Variants in SYNPO2 observed in about 807,000 individuals in gnomAD.
The protein encoded by SYNPO2 is synaptopodin 2, also known as synaptopodin-2.
SYNPO2 carries 56 observed loss-of-function variants against 85.0 expected under a neutral mutation model. The ratio of observed to expected loss-of-function variants is 0.66; its 90% CI spans 0.53 to 0.82. SYNPO2 has a LOEUF of 0.82. Ranked by LOEUF, SYNPO2 falls within the 40% of genes least tolerant of loss-of-function variation. SYNPO2 has a pLI of 0.00. For synonymous variants in SYNPO2, 602 were observed against 591.1 expected (o/e 1.02, Z -0.27); for missense variants, 1,575 against 1,534.2 (o/e 1.03, Z -0.44).
intron 1 of SYNPO2, among the ~76,000 whole-genome samples, chr4:118,954,102 C>T (rs544895907): frequency 3.9e-4 from 60 of 152,300 alleles, no homozygotes; most frequent in African/African-American, 1.4e-3. Context: ...TGCCAATGTT[C>T]TTCACATACA....
chr4:118,852,955 A>G (rs1329354431), intron 1 of SYNPO2, among the ~76,000 whole-genome samples: 1 of 152,242 alleles, frequency 6.6e-6, no homozygotes, highest in Non-Finnish European at 1.5e-5. Flanking sequence ...TAATATTACC[A>G]TCAATTTCAT....
chr4:119,027,723 T>C (rs28460020), intron 3 of SYNPO2, among the ~76,000 whole-genome samples: 2,321 of 152,308 alleles, frequency 0.015, 67 homozygotes, highest in African/African-American at 0.053. Context: ...TCAATGTGCC[T>C]GTTCATTTTG....
At chr4:119,010,878 A>G (rs577636097) in intron 1 of SYNPO2, among the ~76,000 whole-genome samples, 1 of 152,204 alleles carries the variant, frequency 6.6e-6, no homozygotes. Context: ...ATTTCCTTAC[A>G]TAAGTTCAAC....
chr4:119,007,229 T>TATATATATATATATAC lies in SYNPO2; in HGVS notation c.106-16186_106-16185insCATATATATATATATA, dbSNP rs1560971788. On this transcript the variant is annotated intron_variant, in intron 1 of 4. Coordinates refer to ENST00000307142, the MANE Select transcript of SYNPO2 (RefSeq NM_133477.3). The stretch of plus-strand genomic sequence containing the variant: ...AAAAGAACAAAGGTATATATATATA[T>TATATATATATATATAC]ATATATATATATATATGTATATACA... Among the ~76,000 whole-genome samples the TATATATATATATATAC allele has an allele frequency of 8.3e-4, 40 of 48,038 alleles. 1 individual carries two copies. Among genetic ancestry groups the TATATATATATATATAC allele is most frequent in the African/African-American group, 3.6e-3 (39 of 10,856 alleles). 31.5% of individuals were successfully genotyped at this position (48,038 alleles called of 152,430 possible).
At chr4:118,994,726 T>A (rs1444493503) in intron 1 of SYNPO2, among the ~76,000 whole-genome samples, 1 of 152,222 alleles carries the variant, frequency 6.6e-6, no homozygotes, top group Non-Finnish European at 1.5e-5. Flanking sequence ...GAAAGTGGCA[T>A]GTTATTCCCA....
chr4:119,031,843 C>T lies in SYNPO2; in HGVS notation c.3068C>T (p.Ser1023Leu). ...AASPTNVQAS[S>L]VYSVPAYTSP... is the part of the protein sequence containing the mutation. Reference sequence around the variant, plus strand: ...TCACCTACGAATGTGCAGGCTTCGTCAGTGTACTCGGTACCAGCCTATACC... The same window carrying T: ...TCACCTACGAATGTGCAGGCTTCGTTAGTGTACTCGGTACCAGCCTATACC... Residue 1023 changes from serine (S) to leucine (L), a missense_variant, in exon 4 of 5, where the codon TCA becomes TTA. This residue lies in a region of SYNPO2 where 1,508 missense variants were observed against 1,446.8 expected (regional missense o/e 1.04). Transcript: ENST00000307142. The T allele has an allele frequency of 6.2e-7, 1 of 1,614,244 alleles. No homozygotes were observed. The highest frequency in any genetic ancestry group is 8.5e-7 in the Non-Finnish European group (1 of 1,180,050).
At chr4:118,882,920 G>A (rs1019894802) in intron 1 of SYNPO2, among the ~76,000 whole-genome samples, 5 of 151,842 alleles carry the variant, frequency 3.3e-5, no homozygotes, top group Non-Finnish European at 5.9e-5. Flanking sequence ...CAGCCACCAC[G>A]CCCGGCTAAT....
At chr4:118,947,849 T>C (rs954597228) in intron 1 of SYNPO2, among the ~76,000 whole-genome samples, 5 of 152,194 alleles carry the variant, frequency 3.3e-5, no homozygotes, top group African/African-American at 1.2e-4. Context: ...TTTAGGACAA[T>C]GTAGCTCAAA....
At chr4:118,887,734 G>A (rs1028916571), upstream of SYNPO2, among the ~76,000 whole-genome samples, 1 of 152,144 alleles carries the variant, frequency 6.6e-6, no homozygotes, top group African/African-American at 2.4e-5. Flanking sequence ...ATTAGTCGAT[G>A]GTAAAATTGG....
intron 1 of SYNPO2, among the ~76,000 whole-genome samples, chr4:119,003,320 A>G (rs1336302119): frequency 1.3e-5 from 2 of 152,142 alleles, no homozygotes; most frequent in Non-Finnish European, 2.9e-5. Context: ...ATCTCATGAG[A>G]ACTCACTATC....
intron 1 of SYNPO2, among the ~76,000 whole-genome samples, chr4:118,860,192 T>C (rs1731584190): frequency 6.6e-6 from 1 of 152,214 alleles, no homozygotes. Context: ...ACGCCATTTG[T>C]ATGTCTTCTT....
At position 119,023,418 on chromosome 4, in the gene SYNPO2, T is replaced by TC; in HGVS notation, c.106-12_106-11insC. 1 of 1,594,256 alleles carries TC rather than the reference T, an allele frequency of 6.3e-7. No homozygotes were observed. The highest frequency in any genetic ancestry group is 8.5e-7 in the Non-Finnish European group (1 of 1,171,982). On this transcript the variant is annotated splice_polypyrimidine_tract_variant and intron_variant, in intron 1 of 4. Coordinates refer to ENST00000307142, the MANE Select transcript of SYNPO2 (RefSeq NM_133477.3). ...ATCATTCTACTATGTCTTCTTTTTT[T>TC]ACTCCACTCAGATTCGAAATCAGAG...
intron 1 of SYNPO2, among the ~76,000 whole-genome samples, chr4:118,974,126 G>C: frequency 6.6e-6 from 1 of 152,192 alleles, no homozygotes; most frequent in East Asian, 1.9e-4. Flanking sequence ...TTATGTTTGA[G>C]CTAAGAAAAG....
At chr4:118,876,678 TTTCTTTC>T in intron 1 of SYNPO2, among the ~76,000 whole-genome samples, 1 of 20,978 alleles carries the variant, frequency 4.8e-5, no homozygotes, top group Non-Finnish European at 9.7e-5. Context: ...TCTTTCTTTC[TTTCTTTC>T]TTTCTTTCTT....
chr4:119,026,573 G>A (rs1737951696), intron 2 of SYNPO2, 54 bp from the exon 3 acceptor site: 2 of 1,504,238 alleles, frequency 1.3e-6, no homozygotes, highest in Non-Finnish European at 8.9e-7. Flanking sequence ...GAAGTTCTTT[G>A]GCAGATGTAA....
chr4:118,859,478 C>T (rs1228686778), intron 1 of SYNPO2, among the ~76,000 whole-genome samples: 4 of 152,128 alleles, frequency 2.6e-5, no homozygotes, highest in Non-Finnish European at 5.9e-5. Context: ...TTACTCTAGT[C>T]ACCTTGTCAT....
intron 1 of SYNPO2, among the ~76,000 whole-genome samples, chr4:118,935,126 TC>T (rs1288567841): frequency 2.0e-5 from 3 of 152,174 alleles, no homozygotes; most frequent in Non-Finnish European, 4.4e-5. Context: ...TTCTAGTTAA[TC>T]AATTCCAAAC....
chr4:119,057,689 T>C lies in SYNPO2; in HGVS notation c.3541T>C (p.Ser1181Pro), dbSNP rs1739256378. The C allele has an allele frequency of 6.2e-7, 1 of 1,614,116 alleles. No homozygotes were observed. The highest frequency in any genetic ancestry group is 1.1e-5 in the South Asian group (1 of 91,072). ...TCCAGAGGATTGGAATGAAAGACTG[T>C]CCTATATTCCTCAAACCCAGAAGGC... ...GPPEDWNERL[S>P]YIPQTQKAYM... Residue 1181 changes from serine to proline, a missense_variant, in exon 5 of 5, where the codon TCC becomes CCC. Coordinates refer to ENST00000307142, the MANE Select transcript of SYNPO2 (RefSeq NM_133477.3).
intron 1 of SYNPO2, among the ~76,000 whole-genome samples, chr4:118,935,872 A>C (rs1241846212): frequency 6.6e-6 from 1 of 152,240 alleles, no homozygotes; most frequent in African/African-American, 2.4e-5. Flanking sequence ...ATCATTACAA[A>C]GGTTTTCACC....
Sources: gnomAD v4.1 joint callset for allele counts (sites outside exome capture counted in the v4.1 genomes callset) on GRCh38, gnomAD v4.1.1 for gene constraint, gnomAD v4.1.1 regional missense constraint, MANE v1.5 for transcripts, NCBI Gene and HGNC (gene_info 2026-07-23, HGNC 2026-07-21) for gene names.